The following MUC5B variants were observed in gnomAD, a reference collection of about 807,000 sequenced individuals.
MUC5B encodes mucin 5B, oligomeric mucus/gel-forming.
Under a neutral mutation model 376.9 loss-of-function variants are expected in MUC5B, and 116 were observed. That is an observed-to-expected ratio of 0.31 (90% CI 0.26 to 0.36). MUC5B has a LOEUF of 0.36. MUC5B is among the 10% of genes least tolerant of loss of function. The pLI, the probability that MUC5B is intolerant of heterozygous loss-of-function variation, is 1.00. For synonymous variants in MUC5B, 3,517 were observed against 3,390.9 expected, an observed-to-expected ratio of 1.04 and a Z score of -1.29; for missense variants, 7,165 against 7,769.9, an observed-to-expected ratio of 0.92 and a Z score of 2.93.
At chr11:1,260,832 C>T in intron 48 of MUC5B, 104 bp downstream of exon 48, 1 of 825,998 alleles carries the variant, frequency 1.2e-6, no homozygotes, top group African/African-American at 1.7e-5. Flanking sequence ...GGGCCTACGC[C>T]AGCTCCAGGA....
chr11:1,255,332 C>G (rs564103126), intron 36 of MUC5B, 51 bp from the exon 37 acceptor site: 4 of 1,377,444 alleles, frequency 2.9e-6, no homozygotes, highest in African/African-American at 2.8e-5. Context: ...CACGCACGCA[C>G]GCAGCTCCCT....
rs1474787415 is a variant in MUC5B, at chr11:1,246,203, T to G, written c.9323T>G (p.Val3108Gly). The G allele has an allele frequency of 6.2e-7, 1 of 1,609,478 alleles. No individual in the cohort carries two copies. Among genetic ancestry groups the G allele is most frequent in the South Asian group, 1.1e-5 (1 of 90,900 alleles). The change falls in exon 31 of 49, where the codon GTG becomes GGG. Residue 3108 changes from valine to glycine, a missense_variant. Physicochemically the swap from Val to Gly is moderately radical, Grantham distance 109 (BLOSUM62 -3). Around this residue, in one of 31 missense-constraint regions of MUC5B, gnomAD observed 939 missense variants for 770.6 expected, o/e 1.22. Coordinates refer to ENST00000529681, the MANE Select transcript of MUC5B (RefSeq NM_002458.3). ...CCGGAGACCACCCACACCTCCACAGTGCTGACCACGAAGGCCACCACGACA... is the reference window on the plus strand; with the variant it reads ...CCGGAGACCACCCACACCTCCACAGGGCTGACCACGAAGGCCACCACGACA... The part of the protein sequence containing the change: ...STPETTHTST[V>G]LTTKATTTRA...
Position 1,258,257 on chromosome 11 carries a change from G to T in MUC5B, c.16555+54G>T. 6.3e-7 allele frequency: 1 copy of T among 1,579,814 alleles called. No individual in the cohort carries two copies. The highest frequency in any genetic ancestry group is 1.1e-5 in the South Asian group (1 of 87,164). On this transcript the variant is annotated intron_variant, in intron 42 of 48. Coordinates refer to ENST00000529681, the MANE Select transcript of MUC5B (RefSeq NM_002458.3). This position sits in a 1 kb window ranked among gnomAD's most constrained non-coding sequence, Gnocchi z 5.5. ...GTGGCCTCTTGCTGGGGGTGGGGGAGTGCAGGATGGTGGGGGCGCTGGAGC... is the reference window on the plus strand; with the variant it reads ...GTGGCCTCTTGCTGGGGGTGGGGGATTGCAGGATGGTGGGGGCGCTGGAGC...
At position 1,247,568 on chromosome 11, in the gene MUC5B, T is replaced by A. The variant is rs760441527; in HGVS notation, c.10688T>A (p.Ile3563Lys). The change falls in exon 31 of 49, where the codon ATA (isoleucine) becomes AAA (lysine). Residue 3563 changes from isoleucine (I) to lysine (K), a missense_variant. Ile to Lys is a moderately radical substitution (Grantham distance 102). This residue lies in a region of MUC5B where 81 missense variants were observed against 154.5 expected (regional missense o/e 0.52). Coordinates refer to ENST00000529681, the MANE Select transcript of MUC5B (RefSeq NM_002458.3). Reference protein sequence around the residue: ...LLPSSPTSAPITTVVTTGCEP... With the variant: ...LLPSSPTSAPKTTVVTTGCEP... ...CCCAGCAGCCCCACATCGGCCCCCA[T>A]AACCACGGTGGTGACCACGGGCTGT... 1 of 1,610,848 alleles carries A rather than the reference T, an allele frequency of 6.2e-7. No individual in the cohort carries two copies. Among genetic ancestry groups the A allele is most frequent in the East Asian group, 2.2e-5 (1 of 44,874 alleles).
intron 38 of MUC5B, 186 bp from the exon 39 acceptor site, chr11:1,256,485 C>G (rs1388220539): frequency 3.8e-6 from 1 of 266,150 alleles, no homozygotes; most frequent in Non-Finnish European, 7.1e-6. Flanking sequence ...CCCGCCCATA[C>G]TTAGCCCCGC....
chr11:1,248,583 C>T lies in MUC5B; in HGVS notation c.11703C>T (p.Gly3901=), dbSNP rs550830956. Residue 3901 remains glycine (G), a synonymous_variant, in exon 31 of 49, where the codon GGC becomes GGT. Transcript: ENST00000529681. ...CAACCACCACACCCACAACCAGTGG[C>T]TCCACGGTGACCCCCTCCTCCGTCC... ...ISTTTTPTTS[G]STVTPSSVPG... 3.2e-5 allele frequency: 51 copies of T among 1,612,896 alleles called. 2 individuals are homozygous for T. In the South Asian group the frequency reaches 4.5e-4, roughly 14 times the overall value.
chr11:1,255,045 C>T lies in MUC5B; in HGVS notation c.15669C>T (p.Thr5223=). Residue 5223 remains threonine, a synonymous_variant, in exon 36 of 49, where the codon ACC becomes ACT. Transcript: ENST00000529681. Reference sequence around the variant, plus strand: ...CGGTGACGCCCCCACTCCCAGGCACCTGCACCAACAACCAGAGGGACGACT... The same window carrying T: ...CGGTGACGCCCCCACTCCCAGGCACTTGCACCAACAACCAGAGGGACGACT... The part of the protein sequence containing the change: ...FHNNTEGQCG[T]CTNNQRDDCL... 6.3e-7 allele frequency: 1 copy of T among 1,589,322 alleles called. No individual in the cohort carries two copies. Among genetic ancestry groups the T allele is most frequent in the Non-Finnish European group, 8.6e-7 (1 of 1,168,782 alleles).
chr11:1,234,707 CAGGTGGGGAGGGCGG>C lies in MUC5B; in HGVS notation c.2630+28_2630+42del. 9 of 727,876 alleles carry C rather than the reference CAGGTGGGGAGGGCGG, an allele frequency of 1.2e-5. No homozygotes were observed. Among genetic ancestry groups the C allele is most frequent in the Non-Finnish European group, 1.6e-5 (9 of 569,514 alleles). The allele number at this position is 727,876 out of a possible 1,614,324, so 45.1% of individuals were successfully genotyped here. A position where few individuals can be genotyped will look rare whatever the true frequency, so the allele number is the denominator to read the frequency against. ...TGGGTCGTGAGTCTCTCGGAGGCAG[CAGGTGGGGAGGGCGG>C]GGGCGGGGAGGGCAGCGGGTGGGGA... On this transcript the variant is annotated intron_variant, in intron 21 of 48. Coordinates refer to ENST00000529681, the MANE Select transcript of MUC5B (RefSeq NM_002458.3). The surrounding 1 kb of genome is among the most constrained non-coding windows in gnomAD (Gnocchi z 6.3).
In MUC5B at chr11:1,246,400, A is replaced by T. The variant is rs1255697847; in HGVS notation, c.9520A>T (p.Thr3174Ser). Residue 3174 changes from threonine to serine, a missense_variant, in exon 31 of 49, where the codon ACG (threonine) becomes TCG (serine). Around this residue, in one of 31 missense-constraint regions of MUC5B, gnomAD observed 939 missense variants for 770.6 expected, o/e 1.22. Coordinates refer to ENST00000529681, the MANE Select transcript of MUC5B (RefSeq NM_002458.3). Reference protein sequence around the residue: ...LTEPSTTATVTVPTGSTATAS... With the variant: ...LTEPSTTATVSVPTGSTATAS... ...AGAGCCCAGCACTACAGCCACCGTG[A>T]CGGTGCCCACCGGATCCACGGCCAC... 2.5e-6 allele frequency: 4 copies of T among 1,613,218 alleles called. No homozygotes were observed. Among genetic ancestry groups the T allele is most frequent in the South Asian group, 2.2e-5 (2 of 91,010 alleles).
chr11:1,226,461 G>T (rs1352362448), intron 3 of MUC5B, 154 bp from the exon 4 acceptor site: 1 of 1,301,548 alleles, frequency 7.7e-7, no homozygotes, highest in Non-Finnish European at 1.1e-6. Flanking sequence ...GGGTCTTGGA[G>T]CAAAACAGAC....
In MUC5B at chr11:1,248,732, C is replaced by T. The variant is rs371005814; in HGVS notation, c.11852C>T (p.Ala3951Val). 6.4e-7 allele frequency: 1 copy of T among 1,561,978 alleles called. No homozygotes were observed. Among genetic ancestry groups the T allele is most frequent in the African/African-American group, 1.4e-5 (1 of 72,944 alleles). ...ACTCCCCCATCACTGATCACCACGG[C>T]CACTACGATCACGGCCACCGGCTCC... ...SGTPPSLITTATTITATGSTT... is the reference protein window; with the variant it reads ...SGTPPSLITTVTTITATGSTT... The change falls in exon 31 of 49, where the codon GCC becomes GTC. Residue 3951 changes from alanine to valine, a missense_variant. By Grantham distance (64) the Ala-to-Val change is moderately conservative. This residue lies in a region of MUC5B where 242 missense variants were observed against 199.0 expected (regional missense o/e 1.22). Coordinates refer to ENST00000529681, the MANE Select transcript of MUC5B (RefSeq NM_002458.3).
rs117913875 is a variant in MUC5B, at chr11:1,246,458, T to A, written c.9578T>A (p.Leu3193His). The part of the protein sequence containing the change: ...ASSTRATAGT[L>H]KVLTSTATTP... ...TCCACCCGGGCAACTGCTGGCACCCTCAAAGTGCTGACCAGCACGGCCACC... is the reference window on the plus strand; with the variant it reads ...TCCACCCGGGCAACTGCTGGCACCCACAAAGTGCTGACCAGCACGGCCACC... Residue 3193 changes from leucine (L) to histidine (H), a missense_variant, in exon 31 of 49, where the codon CTC (leucine) becomes CAC (histidine). This residue lies in a region of MUC5B where 939 missense variants were observed against 770.6 expected (regional missense o/e 1.22). Coordinates refer to ENST00000529681, the MANE Select transcript of MUC5B (RefSeq NM_002458.3). 1 of 1,599,524 alleles carries A rather than the reference T, an allele frequency of 6.3e-7. No individual in the cohort carries two copies. The highest frequency in any genetic ancestry group is 1.7e-5 in the Admixed American group (1 of 59,386).
rs182666421 is a variant in MUC5B at position 1,242,078 on chromosome 11, C to T, written c.5198C>T (p.Ala1733Val). 4.7e-5 allele frequency: 76 copies of T among 1,609,300 alleles called. No individual in the cohort carries two copies. In the African/African-American group the frequency reaches 8.8e-4, roughly 19 times the overall value. ...TCCAGAGCTCGCCCGACAGGCACAG[C>T]CAGCACCGCTTCCAAAGAGCCGCTG... ...ATSRARPTGT[A>V]STASKEPLTT... The change falls in exon 31 of 49, where the codon GCC becomes GTC. Residue 1733 changes from alanine to valine, a missense_variant. Around this residue, in one of 31 missense-constraint regions of MUC5B, gnomAD observed 897 missense variants for 779.6 expected, o/e 1.15. Coordinates refer to ENST00000529681, the MANE Select transcript of MUC5B (RefSeq NM_002458.3).
chr11:1,239,315 T>A, intron 26 of MUC5B, 123 bp from the exon 27 acceptor site: 1 of 1,338,336 alleles, frequency 7.5e-7, no homozygotes, highest in Middle Eastern at 2.2e-4. Context: ...GCCCTGCATG[T>A]CTGGGACAAG....
At chr11:1,239,594 C>A (rs1047038786) in intron 27 of MUC5B, 28 bp downstream of exon 27, 2 of 1,542,780 alleles carry the variant, frequency 1.3e-6, no homozygotes, top group Non-Finnish European at 1.8e-6. Context: ...TTGGATGGAG[C>A]CTCCTCTCCT....
chr11:1,247,206 C>T lies in MUC5B; in HGVS notation c.10326C>T (p.Thr3442=), dbSNP rs376260981. The part of the protein sequence containing the change: ...TVTPSSALGT[T]HTPPVPNTTA... ...CTCCCTCCTCTGCCCTAGGGACCAC[C>T]CACACACCCCCAGTGCCGAACACCA... The change falls in exon 31 of 49, where the codon ACC becomes ACT. Residue 3442 remains threonine, a synonymous_variant. Transcript: ENST00000529681. 4.7e-5 allele frequency: 74 copies of T among 1,568,766 alleles called. 1 individual carries two copies. Among genetic ancestry groups the T allele is most frequent in the Non-Finnish European group, 6.5e-5 (74 of 1,142,954 alleles).
chr11:1,241,145 T>C lies in MUC5B; in HGVS notation c.4265T>C (p.Leu1422Pro). Residue 1422 changes from leucine (L) to proline (P), a missense_variant, in exon 31 of 49, where the codon CTG becomes CCG. Physicochemically the swap from Leu to Pro is moderately conservative, Grantham distance 98. This residue lies in a region of MUC5B where 517 missense variants were observed against 545.3 expected (regional missense o/e 0.95). Transcript: ENST00000529681. ...QSPPLCHDYE[L>P]RVLCCEYVPC... ...CCCCCGCTCTGTCACGACTACGAGCTGCGGGTTCTCTGCTGCGAATACGTG... is the reference window on the plus strand; with the variant it reads ...CCCCCGCTCTGTCACGACTACGAGCCGCGGGTTCTCTGCTGCGAATACGTG... The C allele has an allele frequency of 6.2e-7, 1 of 1,609,142 alleles. No homozygotes were observed. Among genetic ancestry groups the C allele is most frequent in the Non-Finnish European group, 8.5e-7 (1 of 1,177,986 alleles).
Position 1,234,322 on chromosome 11 carries a change from A to G in MUC5B, c.2478+17A>G. 11 of 728,544 alleles carry G rather than the reference A, an allele frequency of 1.5e-5. No individual in the cohort carries two copies. The highest frequency in any genetic ancestry group is 2.5e-5 in the Non-Finnish European group (11 of 436,240). The allele number at this position is 728,544 out of a possible 1,614,324, so 45.1% of individuals were successfully genotyped here. A position where few individuals can be genotyped will look rare whatever the true frequency, so the allele number is the denominator to read the frequency against. On this transcript the variant is annotated intron_variant, in intron 20 of 48. Transcript: ENST00000529681. This position sits in a 1 kb window ranked among gnomAD's most constrained non-coding sequence, Gnocchi z 6.3. ...GTGGGCTGTGTGAGTTCCATGCTTC[A>G]GGGAGGGGTGGGCAGGGAAGGGGTC...
Position 1,250,743 on chromosome 11 carries a change from A to G in MUC5B, c.13863A>G (p.Thr4621=). Residue 4621 remains threonine (T), a synonymous_variant, in exon 31 of 49, where the codon ACA becomes ACG. Coordinates refer to ENST00000529681, the MANE Select transcript of MUC5B (RefSeq NM_002458.3). ...TALTPPVWIS[T]TTTPTTTTPT... Reference sequence around the variant, plus strand: ...TCACGCCTCCAGTGTGGATCAGCACAACCACCACACCCACAACCACCACAC... The same window carrying G: ...TCACGCCTCCAGTGTGGATCAGCACGACCACCACACCCACAACCACCACAC... 1 of 1,601,502 alleles carries G rather than the reference A, an allele frequency of 6.2e-7. No individual in the cohort carries two copies. Among genetic ancestry groups the G allele is most frequent in the South Asian group, 1.1e-5 (1 of 90,692 alleles).
Sources: gnomAD v4.1 joint callset for allele counts on GRCh38, gnomAD v4.1.1 for gene constraint, gnomAD v4.1.1 regional missense constraint, Gnocchi (gnomAD v3.1) non-coding constraint, MANE v1.5 for transcripts, NCBI Gene and HGNC (gene_info 2026-07-23, HGNC 2026-07-21) for gene names.